Variants in C12orf42 observed in about 807,000 individuals in gnomAD.
The protein encoded by C12orf42 is chromosome 12 open reading frame 42.
In C12orf42, 25 loss-of-function variants were observed where a neutral mutation model predicts 21.6. The observed-to-expected ratio is 1.16, with a 90% CI of 0.84 to 1.62. The LOEUF (loss-of-function observed/expected upper bound fraction) is 1.62, where lower values mean the gene tolerates loss of function less well. Among genes scored for constraint, C12orf42 ranks in the 40% most tolerant of loss-of-function variants. The pLI, the probability that C12orf42 is intolerant of heterozygous loss-of-function variation, is 0.00. For missense variants in C12orf42, 483 were observed against 459.3 expected, an observed-to-expected ratio of 1.05 and a Z score of -0.47; for synonymous variants, 174 against 175.0, an observed-to-expected ratio of 0.99 and a Z score of 0.05.
chr12:103,235,392 C>A (rs978737239), downstream of C12orf42, among the ~76,000 whole-genome samples: 1 of 152,118 alleles, frequency 6.6e-6, no homozygotes, highest in Non-Finnish European at 1.5e-5. Flanking sequence ...TTCTTTCCAA[C>A]TTAAAATTTT....
At chr12:103,491,182 T>C (rs1955161900) in intron 1 of C12orf42, among the ~76,000 whole-genome samples, 1 of 152,208 alleles carries the variant, frequency 6.6e-6, no homozygotes, top group African/African-American at 2.4e-5. Flanking sequence ...TTGAAAGCAT[T>C]TTTCATCTTT....
At chr12:103,078,501 A>G in the C12orf42 span, among the ~76,000 whole-genome samples, 1 of 152,230 alleles carries the variant, frequency 6.6e-6, no homozygotes, top group Non-Finnish European at 1.5e-5. Flanking sequence ...GGACCACCAC[A>G]TCAACTTATC....
chr12:103,412,676 G>A (rs2048953327), intron 2 of C12orf42, among the ~76,000 whole-genome samples: 1 of 152,176 alleles, frequency 6.6e-6, no homozygotes. Context: ...GTCTGAGATG[G>A]CATCTCACCA....
intron 4 of C12orf42, among the ~76,000 whole-genome samples, chr12:103,342,024 G>C (rs964362567): frequency 6.6e-6 from 1 of 152,138 alleles, no homozygotes; most frequent in Non-Finnish European, 1.5e-5. Flanking sequence ...AGAATCGAGA[G>C]AGAGAGAGAG....
chr12:103,297,688 C>T (rs2037392837), downstream of C12orf42, among the ~76,000 whole-genome samples: 1 of 151,566 alleles, frequency 6.6e-6, no homozygotes, highest in Admixed American at 6.6e-5. Flanking sequence ...TGATGAGCAT[C>T]GATGCAAAAA....
the C12orf42 span, among the ~76,000 whole-genome samples, chr12:103,095,318 G>GC: frequency 6.6e-6 from 1 of 152,152 alleles, no homozygotes. Flanking sequence ...TCTGCCTCCA[G>GC]CCCCACTTTA....
intron 2 of C12orf42, among the ~76,000 whole-genome samples, chr12:103,458,728 A>C (rs998757595): frequency 2.0e-5 from 3 of 152,154 alleles, no homozygotes; most frequent in Admixed American, 6.5e-5. Flanking sequence ...GGGCCTGGGT[A>C]ACCACACCTT....
intron 4 of C12orf42, among the ~76,000 whole-genome samples, chr12:103,341,112 C>CAAAAAAAAAAA (rs34154888): frequency 4.2e-5 from 2 of 47,684 alleles, no homozygotes; most frequent in African/African-American, 1.6e-4. Context: ...GACTCTGTCT[C>CAAAAAAAAAAA]AAAAAAAAAA....
chr12:103,280,439 G>A (rs1244166681), intron 4 of C12orf42, among the ~76,000 whole-genome samples: 9 of 152,146 alleles, frequency 5.9e-5, no homozygotes, highest in South Asian at 2.1e-4. Context: ...CCAACATGGC[G>A]AAACCCCATC....
downstream of C12orf42, chr12:103,268,489 A>T (rs1231467419): frequency 8.1e-6 from 1 of 123,088 alleles, no homozygotes; most frequent in African/African-American, 4.2e-5. Flanking sequence ...ATGAATTAAT[A>T]ATTTTTCATT....
chr12:103,467,110 G>T (rs968848116), intron 2 of C12orf42, among the ~76,000 whole-genome samples: 1 of 152,098 alleles, frequency 6.6e-6, no homozygotes, highest in Admixed American at 6.5e-5. Context: ...AATATTTACC[G>T]CTGTAAATTG....
At chr12:103,462,807 T>C (rs1184626420) in intron 2 of C12orf42, among the ~76,000 whole-genome samples, 2 of 152,216 alleles carry the variant, frequency 1.3e-5, no homozygotes, top group Non-Finnish European at 2.9e-5. Context: ...TGATTACTCA[T>C]TAAACCCTAT....
intron 2 of C12orf42, among the ~76,000 whole-genome samples, chr12:103,469,638 G>A (rs1172378042): frequency 6.6e-6 from 1 of 152,114 alleles, no homozygotes; most frequent in Non-Finnish European, 1.5e-5. Context: ...TCCTTATACA[G>A]AAATCTTGGT....
chr12:103,499,396 C>T (rs967278685), upstream of C12orf42, among the ~76,000 whole-genome samples: 2 of 152,104 alleles, frequency 1.3e-5, no homozygotes, highest in South Asian at 4.1e-4. Context: ...GTCAATTATA[C>T]CACACCAAAT....
chr12:103,096,445 G>A, the C12orf42 span, among the ~76,000 whole-genome samples: 6 of 152,068 alleles, frequency 3.9e-5, no homozygotes, highest in Non-Finnish European at 7.4e-5. Flanking sequence ...TGGCCTTGAG[G>A]CACTGTGAAA....
chr12:103,410,972 CA>C (rs1480378389), intron 2 of C12orf42, among the ~76,000 whole-genome samples: 1 of 152,190 alleles, frequency 6.6e-6, no homozygotes, highest in Non-Finnish European at 1.5e-5. Context: ...CAAGGATACT[CA>C]GTTACCAAGC....
chr12:103,215,167 T>C, the C12orf42 span, among the ~76,000 whole-genome samples: 1 of 152,130 alleles, frequency 6.6e-6, no homozygotes, highest in Admixed American at 6.6e-5. Context: ...TGAACCCCCA[T>C]TTGTGCCACA....
chr12:103,255,798 T>C (rs910763325), intron 10 of C12orf42, among the ~76,000 whole-genome samples: 11 of 151,522 alleles, frequency 7.3e-5, no homozygotes, highest in African/African-American at 2.7e-4. Context: ...ACGCCTGTAA[T>C]CCCAGCACTT....
At chr12:103,107,325 T>C in the C12orf42 span, among the ~76,000 whole-genome samples, 8 of 152,040 alleles carry the variant, frequency 5.3e-5, no homozygotes, top group African/African-American at 1.9e-4. Flanking sequence ...ATAGTATTAT[T>C]GAAGTAAGCA....
Sources: allele counts gnomAD v4.1 joint callset (sites outside exome capture counted in the v4.1 genomes callset), GRCh38; gene constraint gnomAD v4.1.1; transcripts MANE v1.5; gene names NCBI Gene and HGNC (gene_info 2026-07-23, HGNC 2026-07-21).